Variants in PLXDC2 observed in about 807,000 individuals in gnomAD.
PLXDC2 encodes plexin domain containing 2.
Under a neutral mutation model 68.9 loss-of-function variants are expected in PLXDC2, and 40 were observed. The observed-to-expected ratio is 0.58, with a 90% CI of 0.45 to 0.76. The LOEUF (loss-of-function observed/expected upper bound fraction) is 0.76, where lower values mean the gene tolerates loss of function less well. PLXDC2 is among the 30% of genes least tolerant of loss of function. The probability of loss-of-function intolerance (pLI) is 0.00; values close to 1 mark genes in which losing one functional copy is unlikely to be tolerated. For missense variants in PLXDC2, 644 were observed against 661.9 expected (o/e 0.97, Z 0.30); for synonymous variants, 243 against 234.2 (o/e 1.04, Z -0.34).
intron 6 of PLXDC2, among the ~76,000 whole-genome samples, chr10:20,150,530 T>C (rs1178390751): frequency 6.6e-6 from 1 of 152,196 alleles, no homozygotes; most frequent in East Asian, 1.9e-4. Context: ...GCTGAGAGAA[T>C]AGTTCTCAAA....
rs12269513 is a variant in PLXDC2, at chr10:20,137,422, G to A, written c.542-5873G>A. 8.8e-3 allele frequency among the ~76,000 whole-genome samples: 1,338 copies of A among 152,238 alleles called. 15 individuals carry two copies. Among genetic ancestry groups the A allele is most frequent in the African/African-American group, 0.027 (1,133 of 41,536 alleles). On this transcript the variant is annotated intron_variant, in intron 4 of 13. Coordinates refer to ENST00000377252, the MANE Select transcript of PLXDC2 (RefSeq NM_032812.9). ...TTATTCTACTAGGAAATGAATTATC[G>A]CATCGTGTGTGATTCCTATGTCAAT...
intron 1 of PLXDC2, among the ~76,000 whole-genome samples, chr10:19,919,609 A>G (rs139074565): frequency 1.0e-3 from 153 of 152,316 alleles, no homozygotes; most frequent in African/African-American, 3.4e-3. Flanking sequence ...CCTCACAGTT[A>G]TTTCTTATGG....
chr10:19,884,966 C>T (rs553477346), intron 1 of PLXDC2, among the ~76,000 whole-genome samples: 1 of 152,194 alleles, frequency 6.6e-6, no homozygotes, highest in African/African-American at 2.4e-5. Flanking sequence ...GACAGTCCCA[C>T]CAACAGTGTA....
rs1031252892 is a variant in PLXDC2 at position 20,284,758 on chromosome 10, A to T, written c.*4939A>T. 6.6e-6 allele frequency: 1 copy of T among 152,118 alleles called. No homozygotes were observed. Among genetic ancestry groups the T allele is most frequent in the East Asian group, 1.9e-4 (1 of 5,178 alleles). 9.4% of individuals were successfully genotyped at this position (152,118 alleles called of 1,614,324 possible). The stretch of plus-strand genomic sequence containing the variant: ...TTGCCTTCATCTCTTAATTGTCGGC[A>T]CTTAAGGCCAACCAAGCAGCTTAGA... On this transcript the variant is annotated 3_prime_UTR_variant, in exon 14 of 14. Transcript: ENST00000377252.
At chr10:20,255,979 T>G (rs1588546552) in intron 13 of PLXDC2, among the ~76,000 whole-genome samples, 1 of 152,050 alleles carries the variant, frequency 6.6e-6, no homozygotes, top group South Asian at 2.1e-4. Context: ...GAATATAGGG[T>G]CAGAATTATT....
intron 1 of PLXDC2, among the ~76,000 whole-genome samples, chr10:19,819,031 T>TATACAC (rs1554837302): frequency 1.4e-5 from 2 of 147,724 alleles, no homozygotes; most frequent in Non-Finnish European, 3.0e-5. Context: ...AATATATGTA[T>TATACAC]ACACACACAC....
chr10:20,013,890 A>C (rs1356518866), intron 2 of PLXDC2, among the ~76,000 whole-genome samples: 2 of 152,184 alleles, frequency 1.3e-5, no homozygotes, highest in African/African-American at 4.8e-5. Flanking sequence ...TCAGAATAGA[A>C]GAGTGTCACA....
intron 2 of PLXDC2, among the ~76,000 whole-genome samples, chr10:20,044,669 G>T (rs1055173546): frequency 6.6e-6 from 1 of 152,040 alleles, no homozygotes; most frequent in Non-Finnish European, 1.5e-5. Context: ...CCCCATAGTA[G>T]CAAAATGGAG....
At chr10:19,830,010 C>T (rs545049422) in intron 1 of PLXDC2, among the ~76,000 whole-genome samples, 9 of 152,244 alleles carry the variant, frequency 5.9e-5, no homozygotes, top group African/African-American at 1.9e-4. Flanking sequence ...TAATTTGTAA[C>T]CCACAACTTG....
chr10:20,211,499 C>G (rs1299528081), intron 9 of PLXDC2, among the ~76,000 whole-genome samples, 170 bp from the exon 10 acceptor site: 1 of 152,092 alleles, frequency 6.6e-6, no homozygotes, highest in Non-Finnish European at 1.5e-5. Flanking sequence ...TTTAGCAACC[C>G]TCTAAATATT....
chr10:20,082,045 G>GGAA (rs1836569074), intron 4 of PLXDC2, among the ~76,000 whole-genome samples: 2 of 9,614 alleles, frequency 2.1e-4, no homozygotes, highest in African/African-American at 1.2e-3. Context: ...AACTCCATCT[G>GGAA]AAAAAAAAAA....
At chr10:20,204,019 T>A (rs1374116909) in intron 9 of PLXDC2, among the ~76,000 whole-genome samples, 1 of 115,252 alleles carries the variant, frequency 8.7e-6, no homozygotes, top group African/African-American at 3.4e-5. Flanking sequence ...CTGTAATAGG[T>A]TATGAATAGT....
intron 6 of PLXDC2, among the ~76,000 whole-genome samples, chr10:20,157,007 A>G (rs1485828240): frequency 6.6e-6 from 1 of 152,030 alleles, no homozygotes; most frequent in African/African-American, 2.4e-5. Flanking sequence ...GCAGCCTCCA[A>G]CTCCTGGGCT....
intron 12 of PLXDC2, among the ~76,000 whole-genome samples, chr10:20,234,149 T>C (rs940622905): frequency 2.6e-5 from 4 of 151,908 alleles, no homozygotes; most frequent in African/African-American, 7.2e-5. Context: ...AGTTTTAAAG[T>C]CCAAGGGAAC....
intron 2 of PLXDC2, among the ~76,000 whole-genome samples, chr10:20,003,755 G>C (rs1434238880): frequency 6.6e-6 from 1 of 152,132 alleles, no homozygotes; most frequent in East Asian, 1.9e-4. Flanking sequence ...TTTATTATTA[G>C]TTTGAGGAAC....
At chr10:19,955,689 C>T (rs1340167975) in intron 1 of PLXDC2, among the ~76,000 whole-genome samples, 1 of 151,874 alleles carries the variant, frequency 6.6e-6, no homozygotes, top group African/African-American at 2.4e-5. Context: ...AAATTCCCAG[C>T]TTAAAAAAAA....
chr10:20,119,707 T>G (rs1354373399), intron 4 of PLXDC2, among the ~76,000 whole-genome samples: 1 of 151,998 alleles, frequency 6.6e-6, no homozygotes, highest in African/African-American at 2.4e-5. Context: ...TGGGCGATGT[T>G]TCTCAGGGCT....
chr10:20,103,057 A>T (rs996594065), intron 4 of PLXDC2, among the ~76,000 whole-genome samples: 4 of 152,198 alleles, frequency 2.6e-5, no homozygotes, highest in African/African-American at 7.2e-5. Context: ...CAAGAAGGCG[A>T]TAACTATGTG....
intron 7 of PLXDC2, among the ~76,000 whole-genome samples, chr10:20,169,273 C>T (rs4338432): frequency 0.22 from 32,841 of 152,068 alleles, 4,485 homozygotes; most frequent in East Asian, 0.49. Flanking sequence ...GTTTACTACC[C>T]ATTGTTATAT....
Sources: gnomAD v4.1 joint callset for allele counts (sites outside exome capture counted in the v4.1 genomes callset) on GRCh38, gnomAD v4.1.1 for gene constraint, MANE v1.5 for transcripts, NCBI Gene and HGNC (gene_info 2026-07-23, HGNC 2026-07-21) for gene names.